ANO2: variants seen among roughly 807,000 people sequenced by gnomAD.
ANO2 encodes the protein anoctamin 2.
ANO2 carries 101 observed loss-of-function variants against 124.2 expected under a neutral mutation model. That is an observed-to-expected ratio of 0.81 (90% confidence interval 0.69 to 0.96). The LOEUF (loss-of-function observed/expected upper bound fraction) is 0.96, where lower values mean the gene tolerates loss of function less well. Among genes scored for constraint, ANO2 ranks in the 40% least tolerant of loss-of-function variants. The pLI is 0.00. For synonymous variants in ANO2, 486 were observed against 482.5 expected (o/e 1.01, Z -0.09); for missense variants, 1,293 against 1,274.5 (o/e 1.01, Z -0.22).
chr12:5,904,061 C>T lies in ANO2; in HGVS notation c.534+16979G>A, dbSNP rs1032388440. On this transcript the variant is annotated intron_variant, in intron 3 of 24. Coordinates refer to ENST00000682330, the MANE Select transcript of ANO2 (RefSeq NM_001364791.2). This position sits in a 1 kb window ranked among gnomAD's most constrained non-coding sequence, Gnocchi z 4.1. ...CTTTCTTCATTAAACACTGACCTCC[C>T]CAAATGTGCCCACCACATGATCATC... Among the ~76,000 whole-genome samples, 2 of 152,160 alleles carry T rather than the reference C, an allele frequency of 1.3e-5. No homozygotes were observed. The highest frequency in any genetic ancestry group is 2.9e-5 in the Non-Finnish European group (2 of 68,032).
At chr12:5,679,991 C>T (rs1948422157) in intron 14 of ANO2, among the ~76,000 whole-genome samples, 1 of 152,128 alleles carries the variant, frequency 6.6e-6, no homozygotes, top group East Asian at 1.9e-4. Context: ...TTTGCATGGA[C>T]ATGGATGGAG....
intron 14 of ANO2, among the ~76,000 whole-genome samples, chr12:5,718,157 T>C (rs1591982250): frequency 6.6e-6 from 1 of 152,322 alleles, no homozygotes; most frequent in East Asian, 1.9e-4. Context: ...AGAACACAAA[T>C]GTGCTCCACG....
At chr12:5,882,561 C>T (rs1938575602) in intron 3 of ANO2, among the ~76,000 whole-genome samples, 1 of 152,164 alleles carries the variant, frequency 6.6e-6, no homozygotes, top group South Asian at 2.1e-4. Flanking sequence ...ATAGCTTGGT[C>T]AGACATCAGA....
In ANO2 at chr12:5,908,675, T is replaced by C. The variant is rs1940854645; in HGVS notation, c.534+12365A>G. On this transcript the variant is annotated intron_variant, in intron 3 of 24. Coordinates refer to ENST00000682330, the MANE Select transcript of ANO2 (RefSeq NM_001364791.2). The surrounding 1 kb of genome is among the most constrained non-coding windows in gnomAD (Gnocchi z 4.7). ...AACCCTCTGACTTTAGCTAAGCTCC[T>C]GGGCAAGCCAAGAGAGGTAAGAGAA... is the stretch of plus-strand genomic sequence containing the variant. Among the ~76,000 whole-genome samples, 3 of 152,356 alleles carry C rather than the reference T, an allele frequency of 2.0e-5. No homozygotes were observed. In the South Asian group the frequency reaches 6.2e-4, roughly 32 times the overall value.
chr12:5,750,950 AT>A lies in ANO2; in HGVS notation c.1075del (p.Ile359LeufsTer20), dbSNP rs1565640555. 1 of 1,603,886 alleles carries A rather than the reference AT, an allele frequency of 6.2e-7. No individual in the cohort carries two copies. Among genetic ancestry groups the A allele is most frequent in the East Asian group, 2.2e-5 (1 of 44,778 alleles). ...DLIRKYFGEK[I>X]GLYFAWLGLY... The stretch of plus-strand genomic sequence containing the variant: ...TCCCAGCCAGGCAAAATACAGTCCA[AT>A]TTTTTCTCCAAAATACTTTCTGGAA... On this transcript the variant is annotated frameshift_variant, in exon 11 of 25. Transcript: ENST00000682330. LOFTEE classifies it high-confidence loss of function.
intron 3 of ANO2, among the ~76,000 whole-genome samples, chr12:5,914,673 T>C (rs891179307): frequency 6.6e-6 from 1 of 152,166 alleles, no homozygotes; most frequent in Admixed American, 6.5e-5. Context: ...AGGGGGCACC[T>C]GGCCTCCCTG....
At position 5,693,734 on chromosome 12, in the gene ANO2, C is replaced by CT. The variant is rs1949041668; in HGVS notation, c.1545+38785dup. Among the ~76,000 whole-genome samples, 3 of 152,300 alleles carry CT rather than the reference C, an allele frequency of 2.0e-5. No homozygotes were observed. The South Asian group carries it at 6.2e-4, about 32-fold the overall frequency. On this transcript the variant is annotated intron_variant, in intron 14 of 24. Coordinates refer to ENST00000682330, the MANE Select transcript of ANO2 (RefSeq NM_001364791.2). ...AAGGCTGGTCCGGCCACACTGACCT[C>CT]TTTGCTGTTCCTTGCACGAGTTTGC...
At chr12:5,607,332 T>C (rs562673368) in intron 19 of ANO2, among the ~76,000 whole-genome samples, 14 of 152,320 alleles carry the variant, frequency 9.2e-5, no homozygotes, top group African/African-American at 3.4e-4. Context: ...GAATGGTTCT[T>C]TTTTCCTCCG....
chr12:5,580,097 A>G (rs1260384571), intron 20 of ANO2, among the ~76,000 whole-genome samples: 1 of 152,190 alleles, frequency 6.6e-6, no homozygotes, highest in Admixed American at 6.5e-5. Context: ...GAGTCCAGGA[A>G]AGTTACAATG....
At chr12:5,661,061 G>A (rs1406103580) in intron 14 of ANO2, among the ~76,000 whole-genome samples, 1 of 152,170 alleles carries the variant, frequency 6.6e-6, no homozygotes, top group Non-Finnish European at 1.5e-5. Context: ...CATATGCATT[G>A]CAGCAAGGAG....
intron 10 of ANO2, among the ~76,000 whole-genome samples, chr12:5,765,257 T>C (rs1951856716): frequency 6.6e-6 from 1 of 152,160 alleles, no homozygotes; most frequent in Non-Finnish European, 1.5e-5. Flanking sequence ...TAACCAACTG[T>C]ACATAGCATC....
In ANO2 at chr12:5,906,632, TAAA is replaced by T. The variant is rs907132739; in HGVS notation, c.534+14405_534+14407del. 3.7e-4 allele frequency among the ~76,000 whole-genome samples: 57 copies of T among 152,004 alleles called. 1 individual carries two copies. Among genetic ancestry groups the T allele is most frequent in the Middle Eastern group, 3.4e-3 (1 of 294 alleles). On this transcript the variant is annotated intron_variant, in intron 3 of 24. Coordinates refer to ENST00000682330, the MANE Select transcript of ANO2 (RefSeq NM_001364791.2). Reference sequence around the variant, plus strand: ...CAACACAGTGAAACCCAGTCTCTACTAAAAATACAAAAATTAGCTGGGCATGGT... The same window carrying T: ...CAACACAGTGAAACCCAGTCTCTACTAATACAAAAATTAGCTGGGCATGGT...
intron 10 of ANO2, among the ~76,000 whole-genome samples, chr12:5,768,422 G>A (rs907346790): frequency 1.3e-5 from 2 of 152,216 alleles, no homozygotes; most frequent in African/African-American, 4.8e-5. Flanking sequence ...AAAAAGAGCA[G>A]AAGTGTTGTT....
intron 15 of ANO2, among the ~76,000 whole-genome samples, chr12:5,643,547 T>C (rs1946489374): frequency 6.6e-6 from 1 of 152,180 alleles, no homozygotes; most frequent in Admixed American, 6.5e-5. Flanking sequence ...TGTACACAAG[T>C]TTTTCTAAGA....
At chr12:5,719,034 C>G (rs1293023444) in intron 14 of ANO2, among the ~76,000 whole-genome samples, 1 of 152,182 alleles carries the variant, frequency 6.6e-6, no homozygotes, top group African/African-American at 2.4e-5. Context: ...CTAGCTAGCT[C>G]CGTGTATTAA....
Position 5,746,858 on chromosome 12 carries a change from G to A in ANO2, c.1191-2541C>T, listed in dbSNP as rs144922299. Among the ~76,000 whole-genome samples the A allele has an allele frequency of 6.6e-5, 10 of 152,274 alleles. No individual in the cohort carries two copies. In the East Asian group the frequency reaches 1.7e-3, roughly 26 times the overall value. ...TTTTCAATATGGTTTAGATTAATCA[G>A]CTTTTTAAAAAATGTCCTAGTGTTC... On this transcript the variant is annotated intron_variant, in intron 11 of 24. Transcript: ENST00000682330.
rs781067213 is a variant in ANO2 at position 5,854,036 on chromosome 12, C to T, written c.633+7G>A. ...AGGCCCAGAACCCAGGAGAAACATG[C>T]TCATACTTTCTTGGTAGGAACTTTG... On this transcript the variant is annotated splice_region_variant and intron_variant, in intron 4 of 24. Transcript: ENST00000682330. 13 of 1,612,150 alleles carry T rather than the reference C, an allele frequency of 8.1e-6. No homozygotes were observed. The East Asian group carries it at 1.8e-4, about 22-fold the overall frequency.
At chr12:5,897,658 C>A (rs1344881991) in intron 3 of ANO2, among the ~76,000 whole-genome samples, 1 of 149,926 alleles carries the variant, frequency 6.7e-6, no homozygotes, top group African/African-American at 2.5e-5. Flanking sequence ...ATGGTCCGTT[C>A]AATAAATGAC....
intron 4 of ANO2, among the ~76,000 whole-genome samples, chr12:5,833,213 C>G (rs1219154671): frequency 6.6e-6 from 1 of 152,152 alleles, no homozygotes; most frequent in African/African-American, 2.4e-5. Context: ...TTAATGAGTA[C>G]CTGCCTTGAG....
Sources: allele counts gnomAD v4.1 joint callset (sites outside exome capture counted in the v4.1 genomes callset), GRCh38; gene constraint gnomAD v4.1.1; non-coding constraint Gnocchi (gnomAD v3.1); transcripts MANE v1.5; gene names NCBI Gene and HGNC (gene_info 2026-07-23, HGNC 2026-07-21).